FBXL14: variants seen among roughly 807,000 people sequenced by gnomAD.
FBXL14 encodes F-box and leucine rich repeat protein 14.
FBXL14 carries 11 observed loss-of-function variants against 24.5 expected under a neutral mutation model. That is an observed-to-expected ratio of 0.45 (90% CI 0.28 to 0.74). FBXL14 has a LOEUF of 0.74. Among genes scored for constraint, FBXL14 ranks in the 30% least tolerant of loss-of-function variants. The pLI, the probability that FBXL14 is intolerant of heterozygous loss-of-function variation, is 0.12. For missense variants in FBXL14, 384 were observed against 545.6 expected, an observed-to-expected ratio of 0.70 and a Z score of 2.95; for synonymous variants, 294 against 240.4, an observed-to-expected ratio of 1.22 and a Z score of -2.06.
chr12:1,585,385 G>A (rs977235831), intron 1 of FBXL14, among the ~76,000 whole-genome samples: 1 of 148,308 alleles, frequency 6.7e-6, no homozygotes, highest in Non-Finnish European at 1.5e-5. Flanking sequence ...GCGACAGAGC[G>A]AGACTCCGTC....
intron 1 of FBXL14, among the ~76,000 whole-genome samples, chr12:1,587,046 T>C (rs1455163644): frequency 1.3e-5 from 2 of 152,120 alleles, no homozygotes; most frequent in African/African-American, 2.4e-5. Context: ...GAGACCAGCC[T>C]GACCAACATG....
chr12:1,570,507 G>A (rs1258114622), intron 1 of FBXL14, among the ~76,000 whole-genome samples: 2 of 152,136 alleles, frequency 1.3e-5, no homozygotes, highest in African/African-American at 4.8e-5. Context: ...AAATGTGGGT[G>A]GGCATGGCTG....
intron 1 of FBXL14, among the ~76,000 whole-genome samples, chr12:1,586,836 C>CT (rs1354242250): frequency 6.6e-6 from 1 of 152,222 alleles, no homozygotes; most frequent in South Asian, 2.1e-4. Flanking sequence ...TGCGCCACGG[C>CT]TGCAGACCCA....
chr12:1,592,812 T>C, intron 1 of FBXL14, 61 bp downstream of exon 1: 1 of 1,372,822 alleles, frequency 7.3e-7, no homozygotes, highest in Non-Finnish European at 9.9e-7. Context: ...GTGGGGGCGG[T>C]GGTAATGGGA....
intron 1 of FBXL14, among the ~76,000 whole-genome samples, chr12:1,582,451 C>A (rs567118043): frequency 6.6e-6 from 1 of 152,188 alleles, no homozygotes; most frequent in East Asian, 1.9e-4. Context: ...CAGGGTGATA[C>A]GTGTTTGCTT....
rs183704221 is a variant in FBXL14, at chr12:1,580,381, T to C, written c.1194+12492A>G. 6.6e-5 allele frequency among the ~76,000 whole-genome samples: 10 copies of C among 152,308 alleles called. No individual in the cohort carries two copies. In the East Asian group the frequency reaches 1.2e-3, roughly 18 times the overall value. On this transcript the variant is annotated intron_variant, in intron 1 of 1. Transcript: ENST00000339235. ...GGTCAGAAAAGGACCTGCATATTGC[T>C]TCCAAACTCTCTACATCTTTTTGAA...
intron 1 of FBXL14, among the ~76,000 whole-genome samples, chr12:1,578,231 G>A (rs2094459649): frequency 6.6e-6 from 1 of 152,134 alleles, no homozygotes; most frequent in Non-Finnish European, 1.5e-5. Flanking sequence ...ACATTCCACA[G>A]TACTAACATT....
intron 1 of FBXL14, among the ~76,000 whole-genome samples, chr12:1,575,515 C>T (rs1473014461): frequency 6.6e-6 from 1 of 152,224 alleles, no homozygotes; most frequent in Admixed American, 6.5e-5. Context: ...AAAACACCCT[C>T]TTCCTCACTG....
chr12:1,566,566 G>A lies in FBXL14; in HGVS notation c.*182C>T. The A allele has an allele frequency of 1.7e-6, 1 of 573,668 alleles. No homozygotes were observed. The allele number at this position is 573,668 out of a possible 1,614,324, so 35.5% of individuals were successfully genotyped here. A position where few individuals can be genotyped will look rare whatever the true frequency, so the allele number is the denominator to read the frequency against. On this transcript the variant is annotated 3_prime_UTR_variant, in exon 2 of 2. Transcript: ENST00000339235. ...GAGCAAACCACTGTCCCCAGAACTGGAGAAACCGGCAGGAGAATGCAGCTT... is the reference window on the plus strand; with the variant it reads ...GAGCAAACCACTGTCCCCAGAACTGAAGAAACCGGCAGGAGAATGCAGCTT...
chr12:1,584,189 AAATAAT>A (rs1193047965), intron 1 of FBXL14, among the ~76,000 whole-genome samples: 1 of 152,124 alleles, frequency 6.6e-6, no homozygotes, highest in African/African-American at 2.4e-5. Flanking sequence ...TACAAAAAAA[AAATAAT>A]AATAGTAATA....
chr12:1,573,898 A>AG (rs1246610002), intron 1 of FBXL14, among the ~76,000 whole-genome samples: 1 of 152,144 alleles, frequency 6.6e-6, no homozygotes, highest in Non-Finnish European at 1.5e-5. Context: ...CCAGCTACTC[A>AG]GGAAGCTGAG....
At chr12:1,581,394 G>A (rs1430683852) in intron 1 of FBXL14, among the ~76,000 whole-genome samples, 2 of 152,180 alleles carry the variant, frequency 1.3e-5, no homozygotes. Context: ...GCATCATCTT[G>A]GGATTACTGG....
At chr12:1,574,496 AGCG>A (rs2094452024) in intron 1 of FBXL14, among the ~76,000 whole-genome samples, 3 of 82,932 alleles carry the variant, frequency 3.6e-5, no homozygotes, top group Admixed American at 1.3e-4. Context: ...GGCTGGCAGC[AGCG>A]GTGTGGATGG....
intron 1 of FBXL14, among the ~76,000 whole-genome samples, chr12:1,586,411 C>T (rs997403134): frequency 6.6e-6 from 1 of 152,036 alleles, no homozygotes; most frequent in Admixed American, 6.6e-5. Context: ...TTTGCTGTGT[C>T]GCCCAGGCTG....
chr12:1,592,838 G>T, intron 1 of FBXL14, 35 bp downstream of exon 1: 1 of 1,527,078 alleles, frequency 6.5e-7, no homozygotes, highest in Non-Finnish European at 8.9e-7. Flanking sequence ...AACAGGGCGG[G>T]ACAAGGGGAG....
intron 1 of FBXL14, among the ~76,000 whole-genome samples, chr12:1,577,333 C>T (rs1343080476): frequency 6.6e-6 from 1 of 151,658 alleles, no homozygotes; most frequent in East Asian, 1.9e-4. Context: ...AGCCCCTCCT[C>T]GGGGGAGGGC....
intron 1 of FBXL14, among the ~76,000 whole-genome samples, chr12:1,591,344 GTTGT>G (rs1257791911): frequency 4.0e-5 from 2 of 49,538 alleles, no homozygotes; most frequent in Admixed American, 2.6e-4. Context: ...ATACAAGGCT[GTTGT>G]TTTTTTTTTT....
At chr12:1,577,638 T>C (rs529064160) in intron 1 of FBXL14, among the ~76,000 whole-genome samples, 44 of 152,306 alleles carry the variant, frequency 2.9e-4, no homozygotes, top group Non-Finnish European at 5.4e-4. Context: ...TGCCGGGAGA[T>C]GCCCGAGAGG....
At chr12:1,577,285 A>G (rs1262378178) in intron 1 of FBXL14, among the ~76,000 whole-genome samples, 1 of 152,198 alleles carries the variant, frequency 6.6e-6, no homozygotes, top group Non-Finnish European at 1.5e-5. Flanking sequence ...TTGCCACCTC[A>G]CTGCTGTTGG....
Sources: allele counts gnomAD v4.1 joint callset (sites outside exome capture counted in the v4.1 genomes callset), GRCh38; gene constraint gnomAD v4.1.1; transcripts MANE v1.5; gene names NCBI Gene and HGNC (gene_info 2026-07-23, HGNC 2026-07-21).